TPCN2: variants seen among roughly 807,000 people sequenced by gnomAD.
The protein encoded by TPCN2 is two pore segment channel 2.
Under a neutral mutation model 111.4 loss-of-function variants are expected in TPCN2, and 92 were observed. The ratio of observed to expected loss-of-function variants is 0.83; its 90% CI spans 0.70 to 0.98. TPCN2 has a LOEUF of 0.98. TPCN2 is among the 50% of genes least tolerant of loss of function. The pLI is 0.00. For synonymous variants in TPCN2, 405 were observed against 414.5 expected, an observed-to-expected ratio of 0.98 and a Z score of 0.28; for missense variants, 995 against 980.1, an observed-to-expected ratio of 1.02 and a Z score of -0.20.
intron 6 of TPCN2, among the ~76,000 whole-genome samples, chr11:69,063,543 C>T (rs918557054): frequency 6.6e-5 from 10 of 152,052 alleles, no homozygotes; most frequent in South Asian, 2.1e-4. Flanking sequence ...CAGCGTTGCC[C>T]GAGTCCCTAG....
At chr11:69,053,260 T>G (rs1011132206) in intron 1 of TPCN2, among the ~76,000 whole-genome samples, 3 of 152,198 alleles carry the variant, frequency 2.0e-5, no homozygotes, top group African/African-American at 7.2e-5. Flanking sequence ...GCGGCCACCC[T>G]TCACCACAGA....
At position 69,086,603 on chromosome 11, in the gene TPCN2, A is replaced by C. The variant is rs1216940144; in HGVS notation, c.2084A>C (p.Glu695Ala). 1 of 1,613,090 alleles carries C rather than the reference A, an allele frequency of 6.2e-7. No individual in the cohort carries two copies. The highest frequency in any genetic ancestry group is 2.2e-5 in the East Asian group (1 of 44,828). ...AACCTGTTTCTGGCCCTGATTCTGG[A>C]GGTATCAGAGATCCCCACCCAGGCT... ...WVNLFLALIL[E>A]NFLHKWDPRS... is the part of the protein sequence containing the mutation. Residue 695 changes from glutamate (E) to alanine (A), a missense_variant and splice_region_variant, in exon 23 of 25, where the codon GAG (glutamate) becomes GCG (alanine). Glu to Ala is a moderately radical substitution (Grantham distance 107). Transcript: ENST00000294309.
intron 18 of TPCN2, among the ~76,000 whole-genome samples, chr11:69,082,601 A>T (rs921512784): frequency 6.7e-5 from 10 of 149,708 alleles, no homozygotes; most frequent in Admixed American, 6.0e-4. Flanking sequence ...GCAGATATCC[A>T]TGTGAACTCG....
At chr11:69,087,467 G>A (rs961266850) in intron 24 of TPCN2, among the ~76,000 whole-genome samples, 14 of 152,322 alleles carry the variant, frequency 9.2e-5, no homozygotes, top group Non-Finnish European at 1.6e-4. Context: ...ATCCTTCAGG[G>A]TCCATTGGAT....
chr11:69,049,330 C>T (rs1210910629), intron 1 of TPCN2, among the ~76,000 whole-genome samples: 2 of 152,210 alleles, frequency 1.3e-5, no homozygotes, highest in Non-Finnish European at 2.9e-5. Context: ...GGGGTCTCTT[C>T]CGTGTCGCGT....
Position 69,073,017 on chromosome 11 carries a change from GC to G in TPCN2, c.1230+18del. On this transcript the variant is annotated intron_variant, in intron 13 of 24. Coordinates refer to ENST00000294309, the MANE Select transcript of TPCN2 (RefSeq NM_139075.4). ...GGTTAAAGAGGTAACTGGGGCCACA[GC>G]CGCCCAGGGTGGATAGTGGGGGCCT... The G allele has an allele frequency of 1.2e-6, 2 of 1,603,082 alleles. No individual in the cohort carries two copies.
intron 24 of TPCN2, among the ~76,000 whole-genome samples, 159 bp from the exon 25 acceptor site, chr11:69,087,716 G>A (rs961601317): frequency 6.6e-6 from 1 of 152,130 alleles, no homozygotes; most frequent in Admixed American, 6.5e-5. Context: ...ATTTCTAGTG[G>A]CTACATCCAT....
At position 69,079,038 on chromosome 11, in the gene TPCN2, G is replaced by A. The variant is rs1451996441; in HGVS notation, c.1539+18G>A. 2 of 1,597,900 alleles carry A rather than the reference G, an allele frequency of 1.3e-6. No homozygotes were observed. On this transcript the variant is annotated intron_variant, in intron 16 of 24. Transcript: ENST00000294309. ...TCCTGCTGGTAAAGTAGGCGCATCC[G>A]AGGCCGGCCTCTACTGGGCGGGTGG... is the stretch of plus-strand genomic sequence containing the variant.
At chr11:69,082,970 T>A (rs550476178) in intron 18 of TPCN2, among the ~76,000 whole-genome samples, 24 of 147,688 alleles carry the variant, frequency 1.6e-4, no homozygotes, top group African/African-American at 5.3e-4. Flanking sequence ...CATGCAGATA[T>A]CCTTGTGAAC....
chr11:69,076,577 T>C (rs56173805), intron 13 of TPCN2, among the ~76,000 whole-genome samples: 6,426 of 37,716 alleles, frequency 0.17, 568 homozygotes, highest in Non-Finnish European at 0.22. Flanking sequence ...GCCCTCCTGC[T>C]CTGTCCCTCC....
chr11:69,050,433 TG>T (rs1214854287), intron 1 of TPCN2, among the ~76,000 whole-genome samples: 2 of 152,240 alleles, frequency 1.3e-5, no homozygotes, highest in Non-Finnish European at 2.9e-5. Context: ...TGGAGTGCAG[TG>T]GCGTGATCTC....
At chr11:69,060,398 C>A (rs966714998) in intron 5 of TPCN2, among the ~76,000 whole-genome samples, 1 of 152,240 alleles carries the variant, frequency 6.6e-6, no homozygotes, top group Non-Finnish European at 1.5e-5. Flanking sequence ...CTCCTACAGG[C>A]ATGGGGTGGC....
chr11:69,084,025 C>T lies in TPCN2; in HGVS notation c.1761+9C>T, dbSNP rs1457668189. 6.2e-7 allele frequency: 1 copy of T among 1,614,010 alleles called. No homozygotes were observed. Among genetic ancestry groups the T allele is most frequent in the South Asian group, 1.1e-5 (1 of 91,068 alleles). ...TTGGCGGGATCCTGGTGGTGAGTCC[C>T]AGGCTGCTGCTGGTGGCGGGTTATG... On this transcript the variant is annotated intron_variant, in intron 19 of 24. Transcript: ENST00000294309.
chr11:69,069,797 C>T (rs10896414), intron 8 of TPCN2, among the ~76,000 whole-genome samples: 79,879 of 92,252 alleles, frequency 0.87, 36,662 homozygotes, highest in Non-Finnish European at 0.97. Context: ...GGAGCAGGAC[C>T]GTCTGAGTCC....
At chr11:69,049,512 T>C (rs909360084) in intron 1 of TPCN2, among the ~76,000 whole-genome samples, 1 of 152,254 alleles carries the variant, frequency 6.6e-6, no homozygotes, top group African/African-American at 2.4e-5. Context: ...GGCAGCACTT[T>C]GATTTTTCCC....
intron 6 of TPCN2, among the ~76,000 whole-genome samples, chr11:69,063,284 T>A (rs1441986384): frequency 6.6e-6 from 1 of 151,924 alleles, no homozygotes; most frequent in Non-Finnish European, 1.5e-5. Flanking sequence ...GGGTCTCCTC[T>A]TGTCCCCTCT....
chr11:69,085,951 C>A, intron 22 of TPCN2, 21 bp downstream of exon 22: 1 of 1,608,254 alleles, frequency 6.2e-7, no homozygotes, highest in Non-Finnish European at 8.5e-7. Context: ...GTCTCCCTGA[C>A]GGCAGTGATT....
chr11:69,079,306 C>T (rs1855910727), intron 16 of TPCN2: 3 of 448,712 alleles, frequency 6.7e-6, no homozygotes, highest in South Asian at 3.8e-5. Flanking sequence ...CCCTGGCCAG[C>T]GACTCCAGCC....
At chr11:69,072,861 G>A (rs1855597149) in intron 12 of TPCN2, 54 bp from the exon 13 acceptor site, 12 of 1,546,128 alleles carry the variant, frequency 7.8e-6, no homozygotes, top group African/African-American at 1.4e-5. Flanking sequence ...GCTCACCTTC[G>A]AGGGCGCTCA....
Sources: gnomAD v4.1 joint callset for allele counts (sites outside exome capture counted in the v4.1 genomes callset) on GRCh38, gnomAD v4.1.1 for gene constraint, MANE v1.5 for transcripts, NCBI Gene and HGNC (gene_info 2026-07-23, HGNC 2026-07-21) for gene names.